Variants in FHOD3 observed in about 807,000 individuals in gnomAD.
FHOD3 encodes FH1/FH2 domain-containing protein 3.
Under a neutral mutation model 173.0 loss-of-function variants are expected in FHOD3, and 90 were observed. The ratio of observed to expected loss-of-function variants is 0.52; its 90% CI spans 0.44 to 0.62. The LOEUF (loss-of-function observed/expected upper bound fraction) is 0.62. Among genes scored for constraint, FHOD3 ranks in the 20% least tolerant of loss-of-function variants. The pLI is 0.00. For synonymous variants in FHOD3, 828 were observed against 823.0 expected, an observed-to-expected ratio of 1.01 and a Z score of -0.10; for missense variants, 1,945 against 2,034.7, an observed-to-expected ratio of 0.96 and a Z score of 0.85.
At chr18:36,735,912 A>G (rs2041605722) in intron 20 of FHOD3, among the ~76,000 whole-genome samples, 1 of 152,252 alleles carries the variant, frequency 6.6e-6, no homozygotes, top group Admixed American at 6.5e-5. Flanking sequence ...ATTTTTAAAA[A>G]GGGATTTCTG....
intron 5 of FHOD3, among the ~76,000 whole-genome samples, chr18:36,523,442 G>T (rs1223377436): frequency 2.6e-5 from 4 of 152,218 alleles, no homozygotes; most frequent in Admixed American, 2.0e-4. Flanking sequence ...CCTTTCTGGA[G>T]CAGTCTGCTG....
At chr18:36,609,945 AT>A (rs1232380193) in intron 8 of FHOD3, among the ~76,000 whole-genome samples, 2 of 152,156 alleles carry the variant, frequency 1.3e-5, no homozygotes, top group Non-Finnish European at 2.9e-5. Flanking sequence ...TTTTTAAATT[AT>A]TTACCAGTGA....
intron 3 of FHOD3, among the ~76,000 whole-genome samples, chr18:36,408,046 T>C (rs1172871884): frequency 6.6e-6 from 1 of 152,184 alleles, no homozygotes; most frequent in African/African-American, 2.4e-5. Context: ...CAACTTCCTG[T>C]GGGCGGAGAC....
rs2036533652 is a variant in FHOD3 at position 36,657,993 on chromosome 18, A to G, written c.1722-82A>G. The G allele has an allele frequency of 2.9e-6, 3 of 1,036,340 alleles. No individual in the cohort carries two copies. The East Asian group carries it at 7.8e-5, about 27-fold the overall frequency. 64.2% of individuals were successfully genotyped at this position (1,036,340 alleles called of 1,614,324 possible). ...GACCTGTTTCTCTTGCAAAAATTAAAATGGTTTGCTAAGTCTTATTTACTG... is the reference window on the plus strand; with the variant it reads ...GACCTGTTTCTCTTGCAAAAATTAAGATGGTTTGCTAAGTCTTATTTACTG... On this transcript the variant is annotated intron_variant, in intron 13 of 28. Transcript: ENST00000590592.
chr18:36,373,171 G>A (rs963662404), intron 3 of FHOD3, among the ~76,000 whole-genome samples: 10 of 152,196 alleles, frequency 6.6e-5, no homozygotes, highest in African/African-American at 1.7e-4. Flanking sequence ...ATGAGGGTAC[G>A]TGTGGATACA....
intron 20 of FHOD3, among the ~76,000 whole-genome samples, chr18:36,738,112 A>G (rs1392314438): frequency 6.6e-6 from 1 of 152,160 alleles, no homozygotes; most frequent in Non-Finnish European, 1.5e-5. Context: ...GGCTTCTTTC[A>G]CTCATCATGA....
At chr18:36,410,480 A>C (rs981682723) in intron 3 of FHOD3, among the ~76,000 whole-genome samples, 3 of 152,206 alleles carry the variant, frequency 2.0e-5, no homozygotes, top group Admixed American at 6.5e-5. Flanking sequence ...TTGTGTCAAC[A>C]TGTGTTTTTA....
intron 7 of FHOD3, 113 bp downstream of exon 7, chr18:36,595,011 T>G: frequency 1.5e-6 from 1 of 667,944 alleles, no homozygotes; most frequent in Non-Finnish European, 2.5e-6. Context: ...TCCCGAGATG[T>G]GGACTTCCCA....
intron 8 of FHOD3, 54 bp downstream of exon 8, chr18:36,602,822 GCCCTGAC>G: frequency 4.5e-6 from 6 of 1,347,588 alleles, no homozygotes; most frequent in Non-Finnish European, 6.4e-6. Context: ...ATATGTTAAA[GCCCTGAC>G]CCCTGGTATC....
chr18:36,606,537 A>G (rs192086643), intron 8 of FHOD3, among the ~76,000 whole-genome samples: 125 of 152,300 alleles, frequency 8.2e-4, no homozygotes, highest in African/African-American at 2.9e-3. Context: ...TATTAAAACC[A>G]TAGCATTCTG....
intron 15 of FHOD3, among the ~76,000 whole-genome samples, chr18:36,683,982 A>T (rs1363306217): frequency 6.6e-6 from 1 of 152,260 alleles, no homozygotes; most frequent in East Asian, 1.9e-4. Context: ...CCAAGGAGCC[A>T]GAAAGTGTTA....
At chr18:36,470,152 C>T (rs529370798) in intron 3 of FHOD3, among the ~76,000 whole-genome samples, 15 of 152,290 alleles carry the variant, frequency 9.8e-5, no homozygotes, top group South Asian at 2.1e-4. Flanking sequence ...GTCCTAGGAA[C>T]GTGGCAGTTA....
chr18:36,540,366 C>T (rs568723991), intron 5 of FHOD3, among the ~76,000 whole-genome samples: 11 of 152,266 alleles, frequency 7.2e-5, no homozygotes, highest in Admixed American at 2.6e-4. Context: ...TGAACAAAGA[C>T]GTTGTGTTTC....
At chr18:36,725,479 A>C (rs2041013305) in intron 19 of FHOD3, among the ~76,000 whole-genome samples, 1 of 152,212 alleles carries the variant, frequency 6.6e-6, no homozygotes, top group African/African-American at 2.4e-5. Context: ...ACCATCAGGG[A>C]CTGGGCTTGT....
chr18:36,351,820 G>A (rs2046139584), intron 1 of FHOD3, among the ~76,000 whole-genome samples: 1 of 152,208 alleles, frequency 6.6e-6, no homozygotes, highest in Non-Finnish European at 1.5e-5. Context: ...AATAAAATCT[G>A]AAGATGCGAG....
At position 36,503,375 on chromosome 18, in the gene FHOD3, G is replaced by C. The variant is rs527242836; in HGVS notation, c.405+1376G>C. Among the ~76,000 whole-genome samples the C allele has an allele frequency of 2.0e-5, 3 of 152,290 alleles. No individual in the cohort carries two copies. In the East Asian group the frequency reaches 5.8e-4, roughly 29 times the overall value. The stretch of plus-strand genomic sequence containing the variant: ...TAAAAGATTATCTTTGTCAGCGATA[G>C]TTGTCAGTGAGAGCCAGAGTAGATT... On this transcript the variant is annotated intron_variant, in intron 4 of 28. Transcript: ENST00000590592.
At chr18:36,603,567 G>A (rs1316837008) in intron 8 of FHOD3, among the ~76,000 whole-genome samples, 6 of 151,826 alleles carry the variant, frequency 4.0e-5, no homozygotes, top group African/African-American at 1.2e-4. Flanking sequence ...GCAGTGGCAC[G>A]ATCTCGGCTC....
rs2035899859 is a variant in FHOD3 at position 36,649,376 on chromosome 18, G to A, written c.1257G>A (p.Glu419=). ...ITEPSSEEER[E]DDASCQGKDS... is the part of the protein sequence containing the mutation. ...AGCCCAGTTCCGAAGAAGAGAGAGA[G>A]GATGATGCTTCCTGTCAGGGCAAGG... Residue 419 remains glutamate, a synonymous_variant, in exon 11 of 29, where the codon GAG becomes GAA. Coordinates refer to ENST00000590592, the MANE Select transcript of FHOD3 (RefSeq NM_001281740.3). 2.0e-6 allele frequency: 3 copies of A among 1,535,560 alleles called. No homozygotes were observed. Among genetic ancestry groups the A allele is most frequent in the South Asian group, 2.4e-5 (2 of 84,030 alleles).
At chr18:36,444,239 G>T (rs1201261644) in intron 3 of FHOD3, among the ~76,000 whole-genome samples, 4 of 149,854 alleles carry the variant, frequency 2.7e-5, no homozygotes, top group Admixed American at 6.6e-5. Context: ...TCAAATCTGA[G>T]CCTTCCAGTA....
Sources: gnomAD v4.1 joint callset for allele counts (sites outside exome capture counted in the v4.1 genomes callset) on GRCh38, gnomAD v4.1.1 for gene constraint, MANE v1.5 for transcripts, NCBI Gene and HGNC (gene_info 2026-07-23, HGNC 2026-07-21) for gene names.